Variants in NRP1 observed in about 807,000 individuals in gnomAD.
NRP1 encodes the protein neuropilin 1, also known as neuropilin-1.
Under a neutral mutation model 106.7 loss-of-function variants are expected in NRP1, and 35 were observed. The observed-to-expected ratio is 0.33, with a 90% CI of 0.25 to 0.43. NRP1 has a LOEUF of 0.43. Ranked by LOEUF, NRP1 falls within the 20% of genes least tolerant of loss-of-function variation. The pLI is 1.00. For missense variants in NRP1, 1,024 were observed against 1,170.4 expected (o/e 0.87, Z 1.83); for synonymous variants, 437 against 417.9 (o/e 1.05, Z -0.56).
At chr10:33,197,006 C>T (rs1262179579) in intron 12 of NRP1, among the ~76,000 whole-genome samples, 4 of 152,096 alleles carry the variant, frequency 2.6e-5, no homozygotes, top group African/African-American at 9.7e-5. Flanking sequence ...AAGAATTTCA[C>T]AGGATACTAA....
At chr10:33,293,011 A>G (rs1449845150) in intron 2 of NRP1, among the ~76,000 whole-genome samples, 1 of 151,892 alleles carries the variant, frequency 6.6e-6, no homozygotes, top group Non-Finnish European at 1.5e-5. Context: ...CCGCCAATGA[A>G]AGTAATTCCA....
intron 3 of NRP1, among the ~76,000 whole-genome samples, chr10:33,269,004 T>C (rs1843110904): frequency 6.6e-6 from 1 of 152,206 alleles, no homozygotes; most frequent in Non-Finnish European, 1.5e-5. Flanking sequence ...AACTCCCCTT[T>C]ACATTTTTCT....
intron 6 of NRP1, among the ~76,000 whole-genome samples, chr10:33,249,026 G>A (rs1841633726): frequency 6.7e-6 from 1 of 148,418 alleles, no homozygotes; most frequent in Non-Finnish European, 1.5e-5. Flanking sequence ...TAATCCTGGT[G>A]CTATTTTTGT....
At chr10:33,321,712 GAGAGTC>G (rs1305672368) in intron 2 of NRP1, among the ~76,000 whole-genome samples, 2 of 152,168 alleles carry the variant, frequency 1.3e-5, no homozygotes, top group East Asian at 3.9e-4. Context: ...CAACAGTTAA[GAGAGTC>G]AGACAAGGAC....
intron 15 of NRP1, 85 bp from the exon 16 acceptor site, chr10:33,182,833 G>GCA (rs148435065): frequency 0.019 from 13,946 of 740,440 alleles, 34 homozygotes; most frequent in Non-Finnish European, 0.021. Context: ...TTAGGTACAT[G>GCA]CACACACACA....
At chr10:33,209,803 C>A (rs1588728606) in intron 9 of NRP1, among the ~76,000 whole-genome samples, 1 of 152,358 alleles carries the variant, frequency 6.6e-6, no homozygotes, top group East Asian at 1.9e-4. Flanking sequence ...TAGGTGAAAA[C>A]ACCACGGTCC....
At chr10:33,196,969 T>C (rs990199417) in intron 12 of NRP1, among the ~76,000 whole-genome samples, 8 of 152,230 alleles carry the variant, frequency 5.3e-5, no homozygotes, top group African/African-American at 1.9e-4. Flanking sequence ...TTATACTGAC[T>C]GTTTCCCTTC....
At chr10:33,304,770 G>GCACT (rs1564471969) in intron 2 of NRP1, among the ~76,000 whole-genome samples, 1 of 152,160 alleles carries the variant, frequency 6.6e-6, no homozygotes, top group Non-Finnish European at 1.5e-5. Context: ...GAAATGCATG[G>GCACT]CACTCCTCAC....
chr10:33,270,392 G>A (rs1404451597), intron 3 of NRP1, among the ~76,000 whole-genome samples: 1 of 149,640 alleles, frequency 6.7e-6, no homozygotes, highest in Admixed American at 6.7e-5. Flanking sequence ...AATGGCCTGT[G>A]CTCGGCTCAC....
intron 2 of NRP1, among the ~76,000 whole-genome samples, chr10:33,325,543 G>A (rs1004253007): frequency 1.3e-5 from 2 of 152,026 alleles, no homozygotes; most frequent in Non-Finnish European, 2.9e-5. Flanking sequence ...GTAAATGTGC[G>A]GGAATAATCA....
chr10:33,201,358 T>C (rs1044297366), intron 11 of NRP1: 1 of 152,206 alleles, frequency 6.6e-6, no homozygotes, highest in African/African-American at 2.4e-5. Context: ...TTAGGGTTTA[T>C]GAAGAAAAGA....
Position 33,180,316 on chromosome 10 carries a change from G to C in NRP1, c.2532C>G (p.Ser844=). The change falls in exon 17 of 17, where the codon TCC becomes TCG. Residue 844 remains serine (S), a synonymous_variant. Transcript: ENST00000374867. ...EGEGEGDKNI[S]RKPGNVLKTL... is the part of the protein sequence containing the mutation. ...TCTTCAACACATTGCCTGGCTTCCTGGAGATGTTCTTGTCACCTTCTCCTT... is the reference window on the plus strand; with the variant it reads ...TCTTCAACACATTGCCTGGCTTCCTCGAGATGTTCTTGTCACCTTCTCCTT... 1 of 1,607,176 alleles carries C rather than the reference G, an allele frequency of 6.2e-7. No individual in the cohort carries two copies. The highest frequency in any genetic ancestry group is 8.5e-7 in the Non-Finnish European group (1 of 1,174,462).
intron 2 of NRP1, among the ~76,000 whole-genome samples, chr10:33,288,941 A>C (rs1448775764): frequency 6.6e-6 from 1 of 152,180 alleles, no homozygotes; most frequent in Non-Finnish European, 1.5e-5. Flanking sequence ...TTTAGGTAGG[A>C]AATATCTTCC....
chr10:33,191,062 T>C (rs1342162554), intron 13 of NRP1, among the ~76,000 whole-genome samples: 1 of 152,154 alleles, frequency 6.6e-6, no homozygotes, highest in Non-Finnish European at 1.5e-5. Context: ...CTTGCTATGT[T>C]GCCCAGGCTG....
chr10:33,185,654 T>A lies in NRP1; in HGVS notation c.2405A>T (p.Asn802Ile). The A allele has an allele frequency of 6.2e-7, 1 of 1,613,998 alleles. No homozygotes were observed. Among genetic ancestry groups the A allele is most frequent in the Non-Finnish European group, 8.5e-7 (1 of 1,179,864 alleles). Residue 802 changes from asparagine to isoleucine, a missense_variant, in exon 15 of 17, where the codon AAC becomes ATC. This residue lies in a region of NRP1 where 164 missense variants were observed against 161.4 expected (regional missense o/e 1.02). Coordinates refer to ENST00000374867, the MANE Select transcript of NRP1 (RefSeq NM_003873.7). ...TGCACAATCTTCTTGTGAAATGTGGTTATTAATACTAATGTCATCCACAGC... is the reference window on the plus strand; with the variant it reads ...TGCACAATCTTCTTGTGAAATGTGGATATTAATACTAATGTCATCCACAGC... ...GIAVDDISIN[N>I]HISQEDCAKP...
chr10:33,259,915 C>T (rs545881895), intron 4 of NRP1, among the ~76,000 whole-genome samples: 29 of 151,978 alleles, frequency 1.9e-4, no homozygotes, highest in Admixed American at 2.6e-4. Flanking sequence ...AGTGCGGTGG[C>T]GCAATCATGG....
chr10:33,222,552 G>A (rs568892040), intron 7 of NRP1, among the ~76,000 whole-genome samples: 5 of 140,392 alleles, frequency 3.6e-5, no homozygotes, highest in South Asian at 2.3e-4. Flanking sequence ...ATGGAGTCTC[G>A]CTCTGTTAGC....
At chr10:33,251,007 T>C (rs1403281638) in intron 6 of NRP1, among the ~76,000 whole-genome samples, 7 of 152,106 alleles carry the variant, frequency 4.6e-5, no homozygotes, top group Non-Finnish European at 7.4e-5. Flanking sequence ...GCTGCAATCT[T>C]CCTCCCTCTG....
chr10:33,275,718 C>A (rs899353218), intron 2 of NRP1, among the ~76,000 whole-genome samples: 1 of 147,570 alleles, frequency 6.8e-6, no homozygotes, highest in African/African-American at 2.5e-5. Context: ...AGCAACAAAG[C>A]AAGAACCCCC....
Sources: allele counts gnomAD v4.1 joint callset (sites outside exome capture counted in the v4.1 genomes callset), GRCh38; gene constraint gnomAD v4.1.1; regional missense constraint gnomAD v4.1.1; transcripts MANE v1.5; gene names NCBI Gene and HGNC (gene_info 2026-07-23, HGNC 2026-07-21).